Variants in RBL1 observed in about 807,000 individuals in gnomAD.
The protein encoded by RBL1 is retinoblastoma-like protein 1.
RBL1 carries 82 observed loss-of-function variants against 123.0 expected under a neutral mutation model. The ratio of observed to expected loss-of-function variants is 0.67; its 90% CI spans 0.56 to 0.80. The LOEUF (loss-of-function observed/expected upper bound fraction) is 0.80. Ranked by LOEUF, RBL1 falls within the 30% of genes least tolerant of loss-of-function variation. RBL1 has a pLI of 0.00. For missense variants in RBL1, 1,171 were observed against 1,299.6 expected, an observed-to-expected ratio of 0.90 and a Z score of 1.52; for synonymous variants, 405 against 441.3, an observed-to-expected ratio of 0.92 and a Z score of 1.03.
intron 21 of RBL1, among the ~76,000 whole-genome samples, chr20:37,000,109 G>A (rs1209621180): frequency 2.0e-5 from 3 of 150,178 alleles, no homozygotes; most frequent in South Asian, 4.4e-4. Flanking sequence ...CTGCTGCCCC[G>A]TCTGGGATGT....
In RBL1 at chr20:37,065,615, A is replaced by T. The variant is rs2065166155; in HGVS notation, c.847-142T>A. 8.8e-6 allele frequency: 5 copies of T among 570,490 alleles called. No homozygotes were observed. The South Asian group carries it at 1.6e-4, about 19-fold the overall frequency. The allele number at this position is 570,490 out of a possible 1,614,324, so 35.3% of individuals were successfully genotyped here. ...TAAATATTTCTTTCAGACTAGGATAAACTATTTAGCATGCAAATAACTTTT... is the reference window on the plus strand; with the variant it reads ...TAAATATTTCTTTCAGACTAGGATATACTATTTAGCATGCAAATAACTTTT... On this transcript the variant is annotated intron_variant, in intron 6 of 21. Transcript: ENST00000373664.
chr20:37,057,048 C>T (rs970027221), intron 9 of RBL1, among the ~76,000 whole-genome samples: 11 of 143,806 alleles, frequency 7.6e-5, no homozygotes, highest in African/African-American at 2.6e-4. Flanking sequence ...TACCTACCTA[C>T]CTATCTACCT....
At chr20:37,087,048 G>A (rs750442536) in intron 2 of RBL1, among the ~76,000 whole-genome samples, 15 of 152,192 alleles carry the variant, frequency 9.9e-5, no homozygotes, top group Admixed American at 2.6e-4. Context: ...ATTAAAAGAG[G>A]GGATGAGGGT....
intron 21 of RBL1, chr20:37,003,455 C>A: frequency 1.4e-6 from 1 of 700,026 alleles, no homozygotes; most frequent in East Asian, 5.6e-5. Context: ...TTCTCAAGAT[C>A]TTGCTTGAAC....
At position 37,067,034 on chromosome 20, in the gene RBL1, A is replaced by T; in HGVS notation, c.644T>A (p.Met215Lys). The T allele has an allele frequency of 6.2e-7, 1 of 1,611,328 alleles. No homozygotes were observed. Among genetic ancestry groups the T allele is most frequent in the Non-Finnish European group, 8.5e-7 (1 of 1,177,710 alleles). ...TAGCAAGTCTTGTCTATTTGGGCACATAATCGCATTGGCAAAAATCAGATC... is the reference window on the plus strand; with the variant it reads ...TAGCAAGTCTTGTCTATTTGGGCACTTAATCGCATTGGCAAAAATCAGATC... Reference protein sequence around the residue: ...CLDLIFANAIMCPNRQDLLNP... With the variant: ...CLDLIFANAIKCPNRQDLLNP... The change falls in exon 5 of 22, where the codon ATG (methionine) becomes AAG (lysine). Residue 215 changes from methionine to lysine, a missense_variant. Coordinates refer to ENST00000373664, the MANE Select transcript of RBL1 (RefSeq NM_002895.5).
At chr20:37,047,500 T>G (rs1193185768) in intron 11 of RBL1, among the ~76,000 whole-genome samples, 2 of 152,234 alleles carry the variant, frequency 1.3e-5, no homozygotes, top group East Asian at 3.8e-4. Flanking sequence ...GACAGTTAAT[T>G]GTTTTGTCAA....
At chr20:37,018,170 C>A in intron 19 of RBL1, 109 bp downstream of exon 19, 1 of 1,241,230 alleles carries the variant, frequency 8.1e-7, no homozygotes, top group Non-Finnish European at 1.1e-6. Flanking sequence ...ATGCATTGTC[C>A]ACCTCACCTC....
intron 2 of RBL1, among the ~76,000 whole-genome samples, chr20:37,083,831 G>C (rs1222502359): frequency 6.6e-6 from 1 of 151,136 alleles, no homozygotes; most frequent in African/African-American, 2.4e-5. Flanking sequence ...TTGGGGGAAA[G>C]GGACTTTGAG....
intron 2 of RBL1, chr20:37,082,048 C>CA: frequency 2.2e-6 from 1 of 455,802 alleles, no homozygotes; most frequent in Non-Finnish European, 4.4e-6. Flanking sequence ...CAGCACAGAG[C>CA]ATGTGTCTCT....
intron 2 of RBL1, among the ~76,000 whole-genome samples, chr20:37,069,911 T>C (rs1168113398): frequency 3.4e-5 from 5 of 146,612 alleles, no homozygotes; most frequent in East Asian, 2.1e-4. Flanking sequence ...TCTGCCCAGC[T>C]GCCCCTACTG....
intron 21 of RBL1, among the ~76,000 whole-genome samples, chr20:37,003,065 C>T (rs1209933526): frequency 6.6e-6 from 1 of 152,148 alleles, no homozygotes; most frequent in Non-Finnish European, 1.5e-5. Context: ...ATAGTAGGAA[C>T]TCTGTAGTTA....
At chr20:37,067,395 A>G in intron 3 of RBL1, 98 bp from the exon 4 acceptor site, 1 of 914,048 alleles carries the variant, frequency 1.1e-6, no homozygotes, top group Non-Finnish European at 1.6e-6. Context: ...CAAATTACAC[A>G]TGAAATTCCA....
chr20:37,024,361 T>A (rs2064388794), intron 16 of RBL1, among the ~76,000 whole-genome samples: 1 of 152,168 alleles, frequency 6.6e-6, no homozygotes, highest in Non-Finnish European at 1.5e-5. Context: ...TTTATATTCA[T>A]GAAAGGAGAA....
intron 16 of RBL1, among the ~76,000 whole-genome samples, chr20:37,027,880 G>GCAA (rs2064450946): frequency 6.6e-6 from 1 of 152,066 alleles, no homozygotes; most frequent in South Asian, 2.1e-4. Context: ...TCAGCCTCCT[G>GCAA]AGTAGCTGGG....
intron 2 of RBL1, among the ~76,000 whole-genome samples, chr20:37,085,334 T>C (rs1407908123): frequency 6.7e-6 from 1 of 149,382 alleles, no homozygotes; most frequent in Non-Finnish European, 1.5e-5. Context: ...CGGTGTTTCA[T>C]CATGTTGGCC....
intron 2 of RBL1, among the ~76,000 whole-genome samples, chr20:37,068,482 T>C (rs1475719368): frequency 1.3e-5 from 2 of 151,762 alleles, no homozygotes; most frequent in African/African-American, 4.8e-5. Flanking sequence ...CAAGACACTG[T>C]CTTACATGAA....
At position 37,030,444 on chromosome 20, in the gene RBL1, G is replaced by T. The variant is rs141747976; in HGVS notation, c.2382+2221C>A. On this transcript the variant is annotated intron_variant, in intron 16 of 21. Coordinates refer to ENST00000373664, the MANE Select transcript of RBL1 (RefSeq NM_002895.5). ...ATATACAAAAATTAAAATGGGCTGG[G>T]CGTGGTGGCTCACGGCTGTAATCCC... Among the ~76,000 whole-genome samples, 748 of 152,302 alleles carry T rather than the reference G, an allele frequency of 4.9e-3. 7 individuals carry two copies. Among genetic ancestry groups the T allele is most frequent in the African/African-American group, 0.017 (709 of 41,566 alleles).
chr20:37,065,996 CACAAGACTGAAT>C (rs1292370342), intron 6 of RBL1, among the ~76,000 whole-genome samples: 1 of 152,256 alleles, frequency 6.6e-6, no homozygotes, highest in African/African-American at 2.4e-5. Flanking sequence ...ATCTGAGGAA[CACAAGACTGAAT>C]ACAAAAATTT....
At position 37,068,136 on chromosome 20, in the gene RBL1, A is replaced by G; in HGVS notation, c.341T>C (p.Leu114Pro). 6.2e-7 allele frequency: 1 copy of G among 1,612,424 alleles called. No homozygotes were observed. Among genetic ancestry groups the G allele is most frequent in the African/African-American group, 1.3e-5 (1 of 74,976 alleles). The change falls in exon 3 of 22, where the codon CTA becomes CCA. Residue 114 changes from leucine to proline, a missense_variant. By Grantham distance (98) the Leu-to-Pro change is moderately conservative. Transcript: ENST00000373664. ...KMKKWMDMSN[L>P]PQEFRERIER... ...TATACGTTCACGAAATTCTTGTGGT[A>G]GATTTGACATGTCCATCCATTTCTT...
Sources: gnomAD v4.1 joint callset for allele counts (sites outside exome capture counted in the v4.1 genomes callset) on GRCh38, gnomAD v4.1.1 for gene constraint, MANE v1.5 for transcripts, NCBI Gene and HGNC (gene_info 2026-07-23, HGNC 2026-07-21) for gene names.